Variants in CREB3L1 observed in about 807,000 individuals in gnomAD.
CREB3L1 encodes cAMP responsive element binding protein 3 like 1.
A neutral mutation model predicts 54.5 loss-of-function variants in CREB3L1; 33 were observed. That is an observed-to-expected ratio of 0.61 (90% confidence interval 0.46 to 0.81). The LOEUF is 0.81. Ranked by LOEUF, CREB3L1 falls within the 30% of genes least tolerant of loss-of-function variation. The probability of loss-of-function intolerance (pLI) is 0.00; values close to 1 mark genes in which losing one functional copy is unlikely to be tolerated. For missense variants in CREB3L1, 656 were observed against 673.3 expected (o/e 0.97, Z 0.29); for synonymous variants, 284 against 286.4 (o/e 0.99, Z 0.08).
chr11:46,287,579 C>A (rs1396189747), intron 1 of CREB3L1, among the ~76,000 whole-genome samples: 1 of 152,086 alleles, frequency 6.6e-6, no homozygotes, highest in Non-Finnish European at 1.5e-5. Flanking sequence ...AGATTACAGG[C>A]ATAAGTCACC....
At position 46,312,860 on chromosome 11, in the gene CREB3L1, A is replaced by C; in HGVS notation, c.972A>C (p.Thr324=). The C allele has an allele frequency of 6.3e-7, 1 of 1,592,290 alleles. No individual in the cohort carries two copies. The highest frequency in any genetic ancestry group is 8.6e-7 in the Non-Finnish European group (1 of 1,169,484). Reference sequence around the variant, plus strand: ...TGCTTGGCCCCTACAGGGTGGAGACATTTACATCTGAGAACAATGAACTGT... The same window carrying C: ...TGCTTGGCCCCTACAGGGTGGAGACCTTTACATCTGAGAACAATGAACTGT... The part of the protein sequence containing the change: ...YVECLEKKVE[T]FTSENNELWK... The change falls in exon 8 of 12, where the codon ACA becomes ACC. Residue 324 remains threonine, a synonymous_variant. Transcript: ENST00000621158.
intron 8 of CREB3L1, 67 bp downstream of exon 8, chr11:46,312,986 A>G (rs1939514738): frequency 3.4e-6 from 4 of 1,188,560 alleles, no homozygotes; most frequent in Non-Finnish European, 4.8e-6. Flanking sequence ...GGCTCTGCAT[A>G]GCTCTGGGAG....
intron 1 of CREB3L1, among the ~76,000 whole-genome samples, chr11:46,288,961 G>A (rs1179980929): frequency 6.6e-6 from 1 of 152,176 alleles, no homozygotes; most frequent in Non-Finnish European, 1.5e-5. Flanking sequence ...GCTTAAATGA[G>A]ATACTACATG....
At chr11:46,313,034 G>A in intron 8 of CREB3L1, 115 bp downstream of exon 8, 1 of 770,780 alleles carries the variant, frequency 1.3e-6, no homozygotes, top group Non-Finnish European at 2.1e-6. Context: ...TAGGATGACA[G>A]GGACCCCAGA....
At chr11:46,290,488 C>T (rs1939114220) in intron 1 of CREB3L1, among the ~76,000 whole-genome samples, 1 of 151,872 alleles carries the variant, frequency 6.6e-6, no homozygotes, top group Non-Finnish European at 1.5e-5. Flanking sequence ...AAGGCCTTCA[C>T]CCCTTTCTCT....
chr11:46,310,840 T>C, intron 4 of CREB3L1, 192 bp from the exon 5 acceptor site: 1 of 731,756 alleles, frequency 1.4e-6, no homozygotes, highest in Admixed American at 3.8e-5. Flanking sequence ...CACCCAGGAA[T>C]TGGCTACCCA....
chr11:46,299,055 C>G (rs1169053992), intron 1 of CREB3L1, among the ~76,000 whole-genome samples: 2 of 152,204 alleles, frequency 1.3e-5, no homozygotes, highest in African/African-American at 4.8e-5. Context: ...ACCAAGTACA[C>G]ACATGTGCGT....
chr11:46,284,835 C>T (rs1420120627), intron 1 of CREB3L1, among the ~76,000 whole-genome samples: 2 of 152,100 alleles, frequency 1.3e-5, no homozygotes, highest in Non-Finnish European at 2.9e-5. Flanking sequence ...TGAGATTTCC[C>T]CTCTAGAGCA....
intron 1 of CREB3L1, among the ~76,000 whole-genome samples, chr11:46,280,354 A>G (rs535759547): frequency 6.7e-6 from 1 of 150,266 alleles, no homozygotes; most frequent in African/African-American, 2.4e-5. Context: ...CGCCCGGCTA[A>G]TTTTTTTTTA....
chr11:46,318,314 C>T (rs1161930944), intron 10 of CREB3L1, among the ~76,000 whole-genome samples: 2 of 152,074 alleles, frequency 1.3e-5, no homozygotes, highest in Non-Finnish European at 2.9e-5. Flanking sequence ...AGAAGGGTAG[C>T]GGTGGTGTGG....
intron 7 of CREB3L1, 22 bp downstream of exon 7, chr11:46,312,692 G>T (rs766975196): frequency 1.9e-6 from 3 of 1,599,070 alleles, no homozygotes; most frequent in Non-Finnish European, 2.6e-6. Context: ...GGGAGGGGTG[G>T]GCAATCCACT....
chr11:46,320,179 T>C, intron 10 of CREB3L1, 85 bp from the exon 11 acceptor site: 4 of 1,423,088 alleles, frequency 2.8e-6, no homozygotes, highest in Non-Finnish European at 3.8e-6. Context: ...ATCCAGGGCC[T>C]GCGTCCTTAA....
At position 46,307,992 on chromosome 11, in the gene CREB3L1, C is replaced by G. The variant is rs759484430; in HGVS notation, c.508C>G (p.Pro170Ala). 1 of 1,543,128 alleles carries G rather than the reference C, an allele frequency of 6.5e-7. No homozygotes were observed. Among genetic ancestry groups the G allele is most frequent in the Non-Finnish European group, 8.7e-7 (1 of 1,145,984 alleles). ...CAGCCCCTTGTCCAGGCTGCCCATC[C>G]CCCACCAGGTGAGCCTGGGAACTGT... is the stretch of plus-strand genomic sequence containing the variant. The part of the protein sequence containing the change: ...GLSPLSRLPI[P>A]HQAPGEMTQL... The change falls in exon 3 of 12, where the codon CCC (proline) becomes GCC (alanine). Residue 170 changes from proline (P) to alanine (A), a missense_variant. Pro to Ala is a conservative substitution (Grantham distance 27). Coordinates refer to ENST00000621158, the MANE Select transcript of CREB3L1 (RefSeq NM_052854.4).
In CREB3L1 at chr11:46,278,256, C is replaced by A. The variant is rs905133656; in HGVS notation, c.102+43C>A. ...CGTTCCCGTTCCACCCCTCGGCACC[C>A]GTCCTCGCGGCGCGCCTGGGCCCCT... On this transcript the variant is annotated intron_variant, in intron 1 of 11. Coordinates refer to ENST00000621158, the MANE Select transcript of CREB3L1 (RefSeq NM_052854.4). This position sits in a 1 kb window ranked among gnomAD's most constrained non-coding sequence, Gnocchi z 4.2. 3.7e-6 allele frequency: 5 copies of A among 1,359,410 alleles called. No individual in the cohort carries two copies. The East Asian group carries it at 8.0e-5, about 22-fold the overall frequency. The allele number at this position is 1,359,410 out of a possible 1,614,324, so 84.2% of individuals were successfully genotyped here. A position where few individuals can be genotyped will look rare whatever the true frequency, so the allele number is the denominator to read the frequency against.
rs1939419302 is a variant in CREB3L1, at chr11:46,307,701, C to T, written c.332-115C>T. 4.9e-6 allele frequency: 4 copies of T among 809,830 alleles called. No individual in the cohort carries two copies. The East Asian group carries it at 1.2e-4, about 25-fold the overall frequency. 50.2% of individuals were successfully genotyped at this position (809,830 alleles called of 1,614,324 possible). A position where few individuals can be genotyped will look rare whatever the true frequency, so the allele number is the denominator to read the frequency against. ...TCACAACCACCCTCTTTCCTGCCTG[C>T]CCCCTGGTCTACCCTAACAGCTCTC... On this transcript the variant is annotated intron_variant, in intron 2 of 11. Coordinates refer to ENST00000621158, the MANE Select transcript of CREB3L1 (RefSeq NM_052854.4).
Position 46,277,991 on chromosome 11 carries a change from CTT to C in CREB3L1, c.-120_-119del. On this transcript the variant is annotated 5_prime_UTR_variant, in exon 1 of 12. Coordinates refer to ENST00000621158, the MANE Select transcript of CREB3L1 (RefSeq NM_052854.4). Reference sequence around the variant, plus strand: ...GCCTCCGTCCGCCCCTCCCCCGGGGCTTCGCCCCGGACCTGCCCCCCGCCCGT... The same window carrying C: ...GCCTCCGTCCGCCCCTCCCCCGGGGCCGCCCCGGACCTGCCCCCCGCCCGT... 3 of 282,396 alleles carry C rather than the reference CTT, an allele frequency of 1.1e-5. No individual in the cohort carries two copies. Among genetic ancestry groups the C allele is most frequent in the East Asian group, 6.5e-5 (1 of 15,418 alleles). The allele number at this position is 282,396 out of a possible 1,614,324, so 17.5% of individuals were successfully genotyped here.
chr11:46,289,630 T>C (rs190564242), intron 1 of CREB3L1, among the ~76,000 whole-genome samples: 2 of 152,034 alleles, frequency 1.3e-5, no homozygotes, highest in African/African-American at 4.8e-5. Flanking sequence ...AATGAGGAGA[T>C]AAAGGACAAA....
At chr11:46,292,471 A>G (rs985537807) in intron 1 of CREB3L1, among the ~76,000 whole-genome samples, 1 of 152,248 alleles carries the variant, frequency 6.6e-6, no homozygotes, top group Admixed American at 6.5e-5. Flanking sequence ...AGAATTGGAC[A>G]CAGCAAGACA....
chr11:46,291,061 A>C lies in CREB3L1; in HGVS notation c.103-8874A>C, dbSNP rs1939122707. On this transcript the variant is annotated intron_variant, in intron 1 of 11. Coordinates refer to ENST00000621158, the MANE Select transcript of CREB3L1 (RefSeq NM_052854.4). ...GCAATGGAGGAAATGCTTGCCACAGAGGTGGGCCAGGGTATGATGGCAGGA... is the reference window on the plus strand; with the variant it reads ...GCAATGGAGGAAATGCTTGCCACAGCGGTGGGCCAGGGTATGATGGCAGGA... Among the ~76,000 whole-genome samples, 3 of 152,176 alleles carry C rather than the reference A, an allele frequency of 2.0e-5. No individual in the cohort carries two copies. The South Asian group carries it at 6.2e-4, about 32-fold the overall frequency.
Sources: allele counts gnomAD v4.1 joint callset (sites outside exome capture counted in the v4.1 genomes callset), GRCh38; gene constraint gnomAD v4.1.1; non-coding constraint Gnocchi (gnomAD v3.1); transcripts MANE v1.5; gene names NCBI Gene and HGNC (gene_info 2026-07-23, HGNC 2026-07-21).